Variants in GRIA2 observed in about 807,000 individuals in gnomAD.
The protein encoded by GRIA2 is glutamate receptor 2.
A neutral mutation model predicts 97.3 loss-of-function variants in GRIA2; 14 were observed. The observed-to-expected ratio is 0.14, with a 90% CI of 0.10 to 0.23. The LOEUF (loss-of-function observed/expected upper bound fraction) is 0.23, where lower values mean the gene tolerates loss of function less well. Ranked by LOEUF, GRIA2 falls within the 10% of genes least tolerant of loss-of-function variation. The pLI is 1.00. For synonymous variants in GRIA2, 412 were observed against 387.8 expected (o/e 1.06, Z -0.73); for missense variants, 558 against 1,069.8 (o/e 0.52, Z 6.67).
chr4:157,221,580 C>G (rs1251477347), intron 1 of GRIA2, 87 bp from the exon 2 acceptor site: 3 of 1,385,790 alleles, frequency 2.2e-6, no homozygotes, highest in Middle Eastern at 1.9e-4. Flanking sequence ...ATAAGAGACT[C>G]TTGGATTTTT....
In GRIA2 at chr4:157,253,547, A is replaced by C. The variant is rs527559309; in HGVS notation, c.229+31740A>C. On this transcript the variant is annotated intron_variant, in intron 2 of 15. Coordinates refer to ENST00000264426, the MANE Select transcript of GRIA2 (RefSeq NM_001083619.3). The stretch of plus-strand genomic sequence containing the variant: ...CTTCTGAAACTGTTTGAGAACTGCT[A>C]TCCTAATCTATGGAGATTTCCTACT... Among the ~76,000 whole-genome samples, 20 of 152,258 alleles carry C rather than the reference A, an allele frequency of 1.3e-4. No individual in the cohort carries two copies. In the South Asian group the frequency reaches 4.1e-3, roughly 32 times the overall value.
At chr4:157,304,658 G>T (rs1733760522) in intron 3 of GRIA2, among the ~76,000 whole-genome samples, 1 of 152,140 alleles carries the variant, frequency 6.6e-6, no homozygotes, top group African/African-American at 2.4e-5. Context: ...GACAACGATT[G>T]TCCTAGTACC....
chr4:157,271,495 G>C (rs1230886162), intron 2 of GRIA2, among the ~76,000 whole-genome samples: 1 of 152,066 alleles, frequency 6.6e-6, no homozygotes, highest in African/African-American at 2.4e-5. Context: ...TTATTATAAA[G>C]GATATTACAC....
At chr4:157,225,706 A>C (rs954964978) in intron 2 of GRIA2, among the ~76,000 whole-genome samples, 5 of 149,350 alleles carry the variant, frequency 3.3e-5, no homozygotes, top group African/African-American at 1.2e-4. Flanking sequence ...TTTAGTGTGC[A>C]TTGGTAGCTG....
At chr4:157,293,145 A>G (rs1214086585) in intron 2 of GRIA2, among the ~76,000 whole-genome samples, 1 of 152,184 alleles carries the variant, frequency 6.6e-6, no homozygotes, top group African/African-American at 2.4e-5. Flanking sequence ...ATAATTTGAT[A>G]GCATGGATAA....
intron 2 of GRIA2, among the ~76,000 whole-genome samples, chr4:157,282,104 C>G (rs1488508723): frequency 1.3e-5 from 2 of 152,074 alleles, no homozygotes; most frequent in African/African-American, 4.8e-5. Context: ...TTTCTACTGC[C>G]ATTTTGGCTT....
At chr4:157,234,796 G>A (rs972020890) in intron 2 of GRIA2, among the ~76,000 whole-genome samples, 2 of 152,082 alleles carry the variant, frequency 1.3e-5, no homozygotes, top group African/African-American at 4.8e-5. Flanking sequence ...TCTGCTGAAA[G>A]GTCTGGAAGG....
intron 2 of GRIA2, among the ~76,000 whole-genome samples, chr4:157,275,243 A>G (rs186336722): frequency 1.3e-5 from 2 of 151,904 alleles, no homozygotes; most frequent in Non-Finnish European, 2.9e-5. Flanking sequence ...AATTTGTTTG[A>G]GTTCATTGTA....
intron 2 of GRIA2, among the ~76,000 whole-genome samples, chr4:157,254,234 GCTCT>G (rs1731142833): frequency 6.6e-6 from 1 of 151,882 alleles, no homozygotes; most frequent in Non-Finnish European, 1.5e-5. Context: ...AATAACATAA[GCTCT>G]CTATTTTCTG....
intron 12 of GRIA2, among the ~76,000 whole-genome samples, chr4:157,345,252 G>A (rs2126959688): frequency 6.6e-6 from 1 of 151,968 alleles, no homozygotes; most frequent in Non-Finnish European, 1.5e-5. Flanking sequence ...TATTTACTTT[G>A]TTTTGCTTGA....
At chr4:157,311,956 G>A (rs1734099310) in intron 3 of GRIA2, among the ~76,000 whole-genome samples, 1 of 151,942 alleles carries the variant, frequency 6.6e-6, no homozygotes, top group African/African-American at 2.4e-5. Context: ...TTTTCCAAGT[G>A]ATATGATGCT....
intron 2 of GRIA2, among the ~76,000 whole-genome samples, chr4:157,291,650 GA>G (rs1448589566): frequency 6.6e-6 from 1 of 151,896 alleles, no homozygotes; most frequent in Non-Finnish European, 1.5e-5. Flanking sequence ...TAATTGCATA[GA>G]TCCCATATTA....
At chr4:157,285,557 T>TTGTGTGTG (rs149477258) in intron 2 of GRIA2, among the ~76,000 whole-genome samples, 1 of 147,222 alleles carries the variant, frequency 6.8e-6, no homozygotes, top group Non-Finnish European at 1.5e-5. Context: ...CCTATAATAT[T>TTGTGTGTG]TGTGTGTGTG....
chr4:157,242,805 A>T (rs1730564870), intron 2 of GRIA2, among the ~76,000 whole-genome samples: 1 of 152,090 alleles, frequency 6.6e-6, no homozygotes, highest in Admixed American at 6.6e-5. Context: ...GTTTACAGAC[A>T]TCTTTCTTAA....
At chr4:157,341,593 T>C in intron 12 of GRIA2, 131 bp downstream of exon 12, 2 of 649,958 alleles carry the variant, frequency 3.1e-6, no homozygotes, top group Non-Finnish European at 5.4e-6. Flanking sequence ...TTTCTTGACT[T>C]TGTCTCTGTT....
chr4:157,362,707 G>A, intron 14 of GRIA2, 92 bp from the exon 15 acceptor site: 1 of 1,064,868 alleles, frequency 9.4e-7, no homozygotes, highest in Non-Finnish European at 1.4e-6. Context: ...GTGTGACTAG[G>A]TTGTTCCCGT....
chr4:157,333,836 T>A (rs934730810), intron 8 of GRIA2, among the ~76,000 whole-genome samples, 174 bp from the exon 9 acceptor site: 1 of 152,112 alleles, frequency 6.6e-6, no homozygotes, highest in African/African-American at 2.4e-5. Flanking sequence ...GGAATTTTTT[T>A]ATACTTCCTT....
intron 2 of GRIA2, among the ~76,000 whole-genome samples, chr4:157,267,699 G>T (rs1408135614): frequency 6.6e-6 from 1 of 151,872 alleles, no homozygotes; most frequent in African/African-American, 2.4e-5. Flanking sequence ...TTTGTCCTTG[G>T]GAATTTTTTG....
At chr4:157,302,472 A>G (rs1408943401) in intron 2 of GRIA2, among the ~76,000 whole-genome samples, 1 of 152,162 alleles carries the variant, frequency 6.6e-6, no homozygotes, top group Non-Finnish European at 1.5e-5. Context: ...CTGAATCCAG[A>G]CTTTCTATTT....
Sources: allele counts gnomAD v4.1 joint callset (sites outside exome capture counted in the v4.1 genomes callset), GRCh38; gene constraint gnomAD v4.1.1; transcripts MANE v1.5; gene names NCBI Gene and HGNC (gene_info 2026-07-23, HGNC 2026-07-21).